Variants in LGR5 observed in about 807,000 individuals in gnomAD.
LGR5 encodes the protein leucine rich repeat containing G protein-coupled receptor 5, also known as leucine-rich repeat-containing G protein-coupled receptor 5.
In LGR5, 54 loss-of-function variants were observed where a neutral mutation model predicts 76.7. That is an observed-to-expected ratio of 0.70 (90% CI 0.57 to 0.88). The LOEUF (loss-of-function observed/expected upper bound fraction) is 0.88. LGR5 is among the 40% of genes least tolerant of loss of function. LGR5 has a pLI of 0.00. For missense variants in LGR5, 1,078 were observed against 1,073.3 expected (o/e 1.00, Z -0.06); for synonymous variants, 406 against 421.9 (o/e 0.96, Z 0.46).
intron 16 of LGR5, among the ~76,000 whole-genome samples, chr12:71,580,900 A>G (rs1278044767): frequency 6.6e-6 from 1 of 152,210 alleles, no homozygotes; most frequent in South Asian, 2.1e-4. Context: ...CTTTTTAAAG[A>G]CTACTTGAGA....
chr12:71,584,876 G>A lies in LGR5; in HGVS notation c.*142G>A, dbSNP rs1879257666. The A allele has an allele frequency of 1.3e-6, 1 of 793,602 alleles. No homozygotes were observed. The highest frequency in any genetic ancestry group is 1.7e-5 in the African/African-American group (1 of 57,540). The allele number at this position is 793,602 out of a possible 1,614,324, so 49.2% of individuals were successfully genotyped here. A position where few individuals can be genotyped will look rare whatever the true frequency, so the allele number is the denominator to read the frequency against. ...AAGAATCTCTCAGTTAGTAAGAAAA[G>A]GCTGAAAACCTCTTGATACTTGAGA... is the stretch of plus-strand genomic sequence containing the variant. On this transcript the variant is annotated 3_prime_UTR_variant, in exon 18 of 18. Coordinates refer to ENST00000266674, the MANE Select transcript of LGR5 (RefSeq NM_003667.4).
chr12:71,463,602 A>G (rs1872754126), intron 1 of LGR5, among the ~76,000 whole-genome samples: 2 of 152,170 alleles, frequency 1.3e-5, no homozygotes, highest in African/African-American at 4.8e-5. Flanking sequence ...AACCATTATG[A>G]TGACAATGAT....
intron 1 of LGR5, among the ~76,000 whole-genome samples, chr12:71,468,845 T>C (rs1872969780): frequency 6.6e-6 from 1 of 151,884 alleles, no homozygotes; most frequent in South Asian, 2.1e-4. Context: ...ATTCAGAAGG[T>C]ACTCATAATT....
chr12:71,486,253 C>T (rs1002284866), intron 1 of LGR5, among the ~76,000 whole-genome samples: 1 of 152,126 alleles, frequency 6.6e-6, no homozygotes, highest in Admixed American at 6.5e-5. Flanking sequence ...GATATAAAGT[C>T]AGGTAGATGT....
Position 71,572,901 on chromosome 12 carries a change from G to T in LGR5, c.1188G>T (p.Gln396His). 6.2e-7 allele frequency: 1 copy of T among 1,613,776 alleles called. No homozygotes were observed. Among genetic ancestry groups the T allele is most frequent in the Non-Finnish European group, 8.5e-7 (1 of 1,179,726 alleles). ...IYEIKVDTFQ[Q>H]LLSLRSLNLA... ...AAATTAAAGTTGACACTTTCCAGCAGTTGCTTAGCCTCCGATCGCTGTGAG... is the reference window on the plus strand; with the variant it reads ...AAATTAAAGTTGACACTTTCCAGCATTTGCTTAGCCTCCGATCGCTGTGAG... Residue 396 changes from glutamine (Q) to histidine (H), a missense_variant, in exon 13 of 18, where the codon CAG (glutamine) becomes CAT (histidine). Coordinates refer to ENST00000266674, the MANE Select transcript of LGR5 (RefSeq NM_003667.4).
chr12:71,461,705 C>A (rs1872690588), intron 1 of LGR5, among the ~76,000 whole-genome samples: 1 of 152,132 alleles, frequency 6.6e-6, no homozygotes, highest in Admixed American at 6.6e-5. Context: ...CATTTCATTA[C>A]CACCCAGTCA....
In LGR5 at chr12:71,580,342, A is replaced by T; in HGVS notation, c.1471A>T (p.Ile491Phe). The stretch of plus-strand genomic sequence containing the variant: ...TGGAGTGTGTGAGAATGCCTATAAG[A>T]TTTCTAATCAATGGAATAAAGGTGA... ...AFGVCENAYK[I>F]SNQWNKGDNS... is the part of the protein sequence containing the mutation. Residue 491 changes from isoleucine (I) to phenylalanine (F), a missense_variant, in exon 16 of 18, where the codon ATT (isoleucine) becomes TTT (phenylalanine). By Grantham distance (21) the Ile-to-Phe change is conservative. Coordinates refer to ENST00000266674, the MANE Select transcript of LGR5 (RefSeq NM_003667.4). 1 of 1,614,014 alleles carries T rather than the reference A, an allele frequency of 6.2e-7. No homozygotes were observed. The highest frequency in any genetic ancestry group is 2.2e-5 in the East Asian group (1 of 44,864).
At chr12:71,563,897 T>C (rs1052749991) in intron 8 of LGR5, among the ~76,000 whole-genome samples, 3 of 152,008 alleles carry the variant, frequency 2.0e-5, no homozygotes, top group African/African-American at 4.8e-5. Flanking sequence ...ATATATACTG[T>C]GTGTATACAT....
At position 71,578,822 on chromosome 12, in the gene LGR5, C is replaced by T. The variant is rs1220887661; in HGVS notation, c.1299C>T (p.Leu433=). 4.3e-6 allele frequency: 7 copies of T among 1,610,104 alleles called. No homozygotes were observed. Among genetic ancestry groups the T allele is most frequent in the African/African-American group, 2.7e-5 (2 of 74,770 alleles). Residue 433 remains leucine, a synonymous_variant, in exon 15 of 18, where the codon CTC becomes CTT. Transcript: ENST00000266674. The part of the protein sequence containing the change: ...SLIKLDLSSN[L]LSSFPITGLH... ...TTTGCAGGGACCTATCGTCCAACCT[C>T]CTGTCGTCTTTTCCTATAACTGGGT...
chr12:71,555,258 C>A (rs557994167), intron 5 of LGR5, among the ~76,000 whole-genome samples: 1 of 152,186 alleles, frequency 6.6e-6, no homozygotes, highest in African/African-American at 2.4e-5. Flanking sequence ...ATGCTACTGA[C>A]CCACCAGAAG....
At chr12:71,447,663 G>A (rs886825298) in intron 1 of LGR5, among the ~76,000 whole-genome samples, 1 of 152,186 alleles carries the variant, frequency 6.6e-6, no homozygotes, top group Non-Finnish European at 1.5e-5. Flanking sequence ...GGAAGAAAGT[G>A]TCTCGTGCAC....
At chr12:71,535,614 A>G (rs1876545698) in intron 4 of LGR5, among the ~76,000 whole-genome samples, 1 of 152,172 alleles carries the variant, frequency 6.6e-6, no homozygotes, top group African/African-American at 2.4e-5. Flanking sequence ...TTTCGAGTCA[A>G]ATAAAGGCTT....
intron 1 of LGR5, among the ~76,000 whole-genome samples, chr12:71,502,578 A>G (rs1343288536): frequency 6.6e-6 from 1 of 152,168 alleles, no homozygotes. Flanking sequence ...CAAGCTATTA[A>G]CATAGAGACA....
intron 7 of LGR5, among the ~76,000 whole-genome samples, chr12:71,560,656 G>A (rs942493514): frequency 2.6e-5 from 4 of 152,162 alleles, no homozygotes; most frequent in Non-Finnish European, 5.9e-5. Context: ...GCTGGGCCTC[G>A]TGGCACATGC....
rs775006454 is a variant in LGR5 at position 71,524,424 on chromosome 12, T to C, written c.303T>C (p.Ala101=). 6.2e-7 allele frequency: 1 copy of C among 1,613,238 alleles called. No homozygotes were observed. The highest frequency in any genetic ancestry group is 1.7e-5 in the Admixed American group (1 of 59,884). The part of the protein sequence containing the change: ...FLEELRLAGN[A]LTYIPKGAFT... ...CCCACAGACGTCTTGCGGGAAACGCTCTGACATACATTCCCAAGGGAGCAT... is the reference window on the plus strand; with the variant it reads ...CCCACAGACGTCTTGCGGGAAACGCCCTGACATACATTCCCAAGGGAGCAT... The change falls in exon 3 of 18, where the codon GCT becomes GCC. Residue 101 remains alanine, a synonymous_variant. Coordinates refer to ENST00000266674, the MANE Select transcript of LGR5 (RefSeq NM_003667.4).
Position 71,585,445 on chromosome 12 carries a change from T to A in LGR5, c.*711T>A, listed in dbSNP as rs1879281027. The A allele has an allele frequency of 6.6e-6, 1 of 152,260 alleles. No individual in the cohort carries two copies. The highest frequency in any genetic ancestry group is 2.4e-5 in the African/African-American group (1 of 41,474). 9.4% of individuals were successfully genotyped at this position (152,260 alleles called of 1,614,324 possible). On this transcript the variant is annotated 3_prime_UTR_variant, in exon 18 of 18. Coordinates refer to ENST00000266674, the MANE Select transcript of LGR5 (RefSeq NM_003667.4). ...CTGACCAAAATTCTTAAATTGTTACTAAGGCAATCATGCACAGGTGACGTA... is the reference window on the plus strand; with the variant it reads ...CTGACCAAAATTCTTAAATTGTTACAAAGGCAATCATGCACAGGTGACGTA...
chr12:71,546,239 C>T (rs1565741177), intron 4 of LGR5, among the ~76,000 whole-genome samples: 1 of 151,826 alleles, frequency 6.6e-6, no homozygotes, highest in Non-Finnish European at 1.5e-5. Context: ...TGCTTGAACC[C>T]AGGAGGTGGA....
At chr12:71,548,365 G>A (rs1249758299) in intron 4 of LGR5, among the ~76,000 whole-genome samples, 1 of 147,956 alleles carries the variant, frequency 6.8e-6, no homozygotes, top group Admixed American at 6.8e-5. Flanking sequence ...AATAGTAAAG[G>A]CTGAAAAAAT....
intron 1 of LGR5, among the ~76,000 whole-genome samples, chr12:71,445,996 C>G (rs1350431017): frequency 6.6e-6 from 1 of 152,188 alleles, no homozygotes; most frequent in African/African-American, 2.4e-5. Context: ...ATGGTGGGCT[C>G]TTTCCTTCAG....
Sources: gnomAD v4.1 joint callset for allele counts (sites outside exome capture counted in the v4.1 genomes callset) on GRCh38, gnomAD v4.1.1 for gene constraint, MANE v1.5 for transcripts, NCBI Gene and HGNC (gene_info 2026-07-23, HGNC 2026-07-21) for gene names.